SMAD2: variants seen among roughly 807,000 people sequenced by gnomAD.
SMAD2 encodes the protein SMAD family member 2.
SMAD2 carries 8 observed loss-of-function variants against 64.4 expected under a neutral mutation model. That is an observed-to-expected ratio of 0.12 (90% CI 0.07 to 0.22). The LOEUF (loss-of-function observed/expected upper bound fraction) is 0.22. Among genes scored for constraint, SMAD2 ranks in the 10% least tolerant of loss-of-function variants. The probability of loss-of-function intolerance (pLI) is 1.00; values close to 1 mark genes in which losing one functional copy is unlikely to be tolerated. For missense variants in SMAD2, 289 were observed against 561.2 expected (o/e 0.51, Z 4.90); for synonymous variants, 203 against 195.8 (o/e 1.04, Z -0.31).
intron 2 of SMAD2, among the ~76,000 whole-genome samples, chr18:47,873,151 T>C (rs1324241118): frequency 6.6e-6 from 1 of 151,956 alleles, no homozygotes; most frequent in Non-Finnish European, 1.5e-5. Context: ...TACAATGCCA[T>C]TTTTTATCAG....
At chr18:47,860,078 G>A (rs1029370210) in intron 6 of SMAD2, among the ~76,000 whole-genome samples, 2 of 152,050 alleles carry the variant, frequency 1.3e-5, no homozygotes, top group East Asian at 1.9e-4. Context: ...TGAGGCTGCC[G>A]TGAGCCAACC....
At chr18:47,896,911 G>T in intron 1 of SMAD2, 102 bp from the exon 2 acceptor site, 1 of 1,084,308 alleles carries the variant, frequency 9.2e-7, no homozygotes, top group Non-Finnish European at 1.4e-6. Context: ...ATAGAAATTC[G>T]AATTATGACT....
intron 1 of SMAD2, among the ~76,000 whole-genome samples, chr18:47,920,523 T>C (rs941474531): frequency 2.6e-5 from 4 of 152,208 alleles, no homozygotes; most frequent in African/African-American, 9.7e-5. Context: ...AGAGCAACTC[T>C]AGAAGGATAA....
intron 1 of SMAD2, among the ~76,000 whole-genome samples, chr18:47,910,338 A>C (rs894929887): frequency 2.9e-4 from 44 of 152,084 alleles, no homozygotes; most frequent in African/African-American, 8.2e-4. Context: ...GATGCAGAAG[A>C]AGCAGTGCCA....
intron 2 of SMAD2, among the ~76,000 whole-genome samples, chr18:47,877,614 G>A (rs914752650): frequency 6.6e-6 from 1 of 152,088 alleles, no homozygotes; most frequent in Non-Finnish European, 1.5e-5. Context: ...TGAAAACAAT[G>A]TGACTACTTT....
At chr18:47,845,961 A>G (rs1285956113) in intron 8 of SMAD2, among the ~76,000 whole-genome samples, 161 bp from the exon 9 acceptor site, 1 of 152,192 alleles carries the variant, frequency 6.6e-6, no homozygotes, top group Non-Finnish European at 1.5e-5. Flanking sequence ...ATACTACTGT[A>G]TATTTCTCCC....
chr18:47,926,604 T>G (rs189702401), intron 1 of SMAD2, among the ~76,000 whole-genome samples: 19 of 152,306 alleles, frequency 1.2e-4, no homozygotes. Context: ...CTTTGCTTGT[T>G]AGAAACACTT....
At chr18:47,895,243 A>T (rs2033385915) in intron 2 of SMAD2, 1 of 152,188 alleles carries the variant, frequency 6.6e-6, no homozygotes, top group South Asian at 2.1e-4. Context: ...GCTCCTTTTA[A>T]ATATTCTAAT....
chr18:47,889,947 A>G (rs2033111847), intron 2 of SMAD2, among the ~76,000 whole-genome samples: 1 of 152,252 alleles, frequency 6.6e-6, no homozygotes. Context: ...ATAAAATTAC[A>G]GAAATTGATT....
intron 6 of SMAD2, among the ~76,000 whole-genome samples, chr18:47,864,189 T>C (rs540010715): frequency 5.3e-4 from 80 of 152,322 alleles, no homozygotes; most frequent in African/African-American, 1.9e-3. Flanking sequence ...TTAGATTATC[T>C]ACCTTTCTTA....
At position 47,815,780 on chromosome 18, in the gene SMAD2, G is replaced by C. The variant is rs1912345513; in HGVS notation, c.*26047C>G. The C allele has an allele frequency of 6.6e-6, 1 of 152,222 alleles. No homozygotes were observed. 9.4% of individuals were successfully genotyped at this position (152,222 alleles called of 1,614,324 possible). On this transcript the variant is annotated 3_prime_UTR_variant, in exon 11 of 11. Transcript: ENST00000262160. ...GGGATAGAAAGTAGTTATGGGGCTT[G>C]CAAGGACATTGTCTTAATTTTCCTG...
At chr18:47,898,887 A>ATTT (rs5824714) in intron 1 of SMAD2, among the ~76,000 whole-genome samples, 11 of 148,934 alleles carry the variant, frequency 7.4e-5, no homozygotes, top group East Asian at 2.0e-4. Context: ...GCATTCAACA[A>ATTT]TTTTTTTTTT....
At chr18:47,889,243 T>C (rs16958599) in intron 2 of SMAD2, among the ~76,000 whole-genome samples, 2,624 of 152,304 alleles carry the variant, frequency 0.017, 67 homozygotes, top group African/African-American at 0.059. Flanking sequence ...CCATAGTCCA[T>C]GTGTGGGTAT....
intron 1 of SMAD2, among the ~76,000 whole-genome samples, chr18:47,906,416 A>G (rs1207761334): frequency 6.6e-6 from 1 of 152,204 alleles, no homozygotes; most frequent in East Asian, 1.9e-4. Context: ...TTTGTTAAAC[A>G]GGAAAAGAAT....
At chr18:47,907,972 T>C (rs962473176) in intron 1 of SMAD2, among the ~76,000 whole-genome samples, 1 of 152,212 alleles carries the variant, frequency 6.6e-6, no homozygotes, top group Non-Finnish European at 1.5e-5. Context: ...TTGAAGTCTG[T>C]GCATTTTAGC....
rs564514376 is a variant in SMAD2 at position 47,922,013 on chromosome 18, G to C, written c.-54+8348C>G. 1.1e-4 allele frequency among the ~76,000 whole-genome samples: 17 copies of C among 152,324 alleles called. 1 individual carries two copies. In the South Asian group the frequency reaches 3.5e-3, roughly 32 times the overall value. On this transcript the variant is annotated intron_variant, in intron 1 of 10. Transcript: ENST00000262160. The stretch of plus-strand genomic sequence containing the variant: ...ACTGCTAAACTTGACAGTTCATCCG[G>C]AAGGCCAGTAGGAAGGGAAATGTGA...
rs1281387598 is a variant in SMAD2 at position 47,836,604 on chromosome 18, A to T, written c.*5223T>A. 1 of 214,142 alleles carries T rather than the reference A, an allele frequency of 4.7e-6. No homozygotes were observed. The highest frequency in any genetic ancestry group is 5.8e-5 in the Admixed American group (1 of 17,124). The allele number at this position is 214,142 out of a possible 1,614,324, so 13.3% of individuals were successfully genotyped here. On this transcript the variant is annotated 3_prime_UTR_variant, in exon 11 of 11. Coordinates refer to ENST00000262160, the MANE Select transcript of SMAD2 (RefSeq NM_005901.6). Reference sequence around the variant, plus strand: ...ACCCCAACTGTTAAGTTTGTCTATGAGTGTATATGTATATATAAATTCATA... The same window carrying T: ...ACCCCAACTGTTAAGTTTGTCTATGTGTGTATATGTATATATAAATTCATA...
chr18:47,882,989 T>C (rs1381170971), intron 2 of SMAD2, among the ~76,000 whole-genome samples: 1 of 152,218 alleles, frequency 6.6e-6, no homozygotes, highest in African/African-American at 2.4e-5. Context: ...TTTGTGATTG[T>C]GGGCTCTCTG....
rs1436184447 is a variant in SMAD2 at position 47,831,143 on chromosome 18, C to T, written c.*10684G>A. The T allele has an allele frequency of 1.1e-4, 16 of 152,244 alleles. 1 individual carries two copies. Among genetic ancestry groups the T allele is most frequent in the Admixed American group, 9.8e-4 (15 of 15,284 alleles). 9.4% of individuals were successfully genotyped at this position (152,244 alleles called of 1,614,324 possible). A position where few individuals can be genotyped will look rare whatever the true frequency, so the allele number is the denominator to read the frequency against. On this transcript the variant is annotated 3_prime_UTR_variant, in exon 11 of 11. Transcript: ENST00000262160. ...TACAGCTATCCTTGGCTTTTAACTC[C>T]AAGCTATCTAGGCCTTGTGATTATA...
Sources: allele counts gnomAD v4.1 joint callset (sites outside exome capture counted in the v4.1 genomes callset), GRCh38; gene constraint gnomAD v4.1.1; transcripts MANE v1.5; gene names NCBI Gene and HGNC (gene_info 2026-07-23, HGNC 2026-07-21).